IL18RAP: variants seen among roughly 807,000 people sequenced by gnomAD.
IL18RAP encodes the protein interleukin 18 receptor accessory protein.
A neutral mutation model predicts 58.1 loss-of-function variants in IL18RAP; 37 were observed. That is an observed-to-expected ratio of 0.64 (90% CI 0.49 to 0.84). The LOEUF is 0.84. IL18RAP is among the 40% of genes least tolerant of loss of function. The pLI is 0.00. For missense variants in IL18RAP, 667 were observed against 704.8 expected (o/e 0.95, Z 0.61); for synonymous variants, 268 against 257.5 (o/e 1.04, Z -0.39).
At chr2:102,432,647 T>G (rs1573276622) in intron 3 of IL18RAP, among the ~76,000 whole-genome samples, 2 of 152,220 alleles carry the variant, frequency 1.3e-5, no homozygotes, top group East Asian at 2.0e-4. Flanking sequence ...TGAGGCTTGA[T>G]TGGGTTGCCA....
At chr2:102,436,270 C>A (rs1304123626) in intron 3 of IL18RAP, among the ~76,000 whole-genome samples, 1 of 152,176 alleles carries the variant, frequency 6.6e-6, no homozygotes, top group East Asian at 1.9e-4. Flanking sequence ...TTATGACACG[C>A]CTCTCCCCTG....
intron 4 of IL18RAP, among the ~76,000 whole-genome samples, chr2:102,437,975 A>G (rs1682860207): frequency 1.3e-5 from 2 of 152,240 alleles, no homozygotes; most frequent in African/African-American, 2.4e-5. Flanking sequence ...CCCCATTAGC[A>G]GTAAATGCCC....
At chr2:102,436,824 T>C (rs1328325245) in intron 3 of IL18RAP, among the ~76,000 whole-genome samples, 6 of 141,586 alleles carry the variant, frequency 4.2e-5, no homozygotes, top group African/African-American at 1.3e-4. Context: ...TGTGTGTATA[T>C]ATATATATGT....
rs369898608 is a variant in IL18RAP, at chr2:102,423,867, G to T, written c.127G>T (p.Val43Phe). The change falls in exon 2 of 10, where the codon GTC (valine) becomes TTC (phenylalanine). Residue 43 changes from valine (V) to phenylalanine (F), a missense_variant. By Grantham distance (50) the Val-to-Phe change is conservative. Coordinates refer to ENST00000687160, the MANE Select transcript of IL18RAP (RefSeq NM_001393487.1). The part of the protein sequence containing the change: ...TYSTRSEEEF[V>F]LFCDLPEPQK... ...TTCTACAAGGAGTGAAGAGGAATTT[G>T]TCTTATTTTGTGATTTACCAGAGCC... 1.4e-5 allele frequency: 22 copies of T among 1,613,932 alleles called. No individual in the cohort carries two copies. Among genetic ancestry groups the T allele is most frequent in the Non-Finnish European group, 1.8e-5 (21 of 1,179,938 alleles).
At chr2:102,422,194 C>T (rs1348688855), upstream of IL18RAP, among the ~76,000 whole-genome samples, 1 of 152,194 alleles carries the variant, frequency 6.6e-6, no homozygotes, top group African/African-American at 2.4e-5. Flanking sequence ...CTTTGGTGGA[C>T]ACTTTTCAGT....
At chr2:102,449,561 G>A (rs146795834) in intron 8 of IL18RAP, among the ~76,000 whole-genome samples, 2 of 152,214 alleles carry the variant, frequency 1.3e-5, no homozygotes, top group African/African-American at 4.8e-5. Flanking sequence ...TTCAAGCACG[G>A]GGATGCAGTG....
rs766579580 is a variant in IL18RAP, at chr2:102,424,458, A to G, written c.579+44A>G. On this transcript the variant is annotated intron_variant, in intron 3 of 9. Transcript: ENST00000687160. The stretch of plus-strand genomic sequence containing the variant: ...AAATTAATATAAGAGCATTGTTTTT[A>G]TGGTATCTTCTTCATGGGCTTTTCA... 8 of 1,534,860 alleles carry G rather than the reference A, an allele frequency of 5.2e-6. No homozygotes were observed. In the South Asian group the frequency reaches 5.8e-5, roughly 11 times the overall value.
intron 1 of IL18RAP, 80 bp downstream of exon 1, chr2:102,423,427 G>A (rs1054159439): frequency 3.5e-6 from 4 of 1,139,892 alleles, no homozygotes; most frequent in South Asian, 1.2e-5. Flanking sequence ...TATATCAGCA[G>A]TGTGATATAT....
At chr2:102,430,439 A>G (rs955804301) in intron 3 of IL18RAP, among the ~76,000 whole-genome samples, 8 of 151,920 alleles carry the variant, frequency 5.3e-5, no homozygotes, top group Non-Finnish European at 1.2e-4. Context: ...CTTCTAGTCT[A>G]TATGTGTCCT....
At chr2:102,440,732 A>G (rs2104358455) in intron 4 of IL18RAP, among the ~76,000 whole-genome samples, 1 of 152,312 alleles carries the variant, frequency 6.6e-6, no homozygotes, top group South Asian at 2.1e-4. Context: ...TGTCAACAGC[A>G]AAGACCCTGG....
intron 6 of IL18RAP, 71 bp from the exon 7 acceptor site, chr2:102,445,118 G>T: frequency 7.1e-7 from 1 of 1,407,556 alleles, no homozygotes; most frequent in East Asian, 2.3e-5. Context: ...CTGCTTATAC[G>T]TGTTCCAAAT....
upstream of IL18RAP, among the ~76,000 whole-genome samples, chr2:102,420,454 G>A (rs1681504336): frequency 6.6e-6 from 1 of 152,188 alleles, no homozygotes; most frequent in Non-Finnish European, 1.5e-5. Flanking sequence ...GCTGCAGCCT[G>A]CAATCAGCCC....
At chr2:102,447,271 A>G (rs1040648882) in intron 8 of IL18RAP, 64 bp downstream of exon 8, 2 of 1,550,130 alleles carry the variant, frequency 1.3e-6, no homozygotes, top group Admixed American at 3.6e-5. Context: ...GAGCAGGACA[A>G]CAGAAAATAC....
At chr2:102,440,053 AGAAGAGAAACAAAC>A (rs1389861093) in intron 4 of IL18RAP, 2 of 152,304 alleles carry the variant, frequency 1.3e-5, no homozygotes, top group Non-Finnish European at 2.9e-5. Context: ...AAGGGTGGTG[AGAAGAGAAACAAAC>A]GAAGTGAAAT....
At position 102,423,287 on chromosome 2, in the gene IL18RAP, T is replaced by C. The variant is rs768478496; in HGVS notation, c.10T>C (p.Leu4=). 6.2e-6 allele frequency: 10 copies of C among 1,614,038 alleles called. No homozygotes were observed. The Admixed American group carries it at 1.0e-4, about 16-fold the overall frequency. The change falls in exon 1 of 10, where the codon TTG becomes CTG. Residue 4 remains leucine, a synonymous_variant. Coordinates refer to ENST00000687160, the MANE Select transcript of IL18RAP (RefSeq NM_001393487.1). ...GGAACACGGGAGAACAATGCTCTGT[T>C]TGGGCTGGATATTTCTTTGGCTTGT... MLC[L]GWIFLWLVAG...
chr2:102,440,768 C>T (rs1683057624), intron 4 of IL18RAP, among the ~76,000 whole-genome samples: 1 of 152,168 alleles, frequency 6.6e-6, no homozygotes, highest in African/African-American at 2.4e-5. Flanking sequence ...GAAAAAGACA[C>T]ACCTTCAGGA....
rs1681686779 is a variant in IL18RAP, at chr2:102,423,216, A to G, written c.-62A>G. ...ACTCAGGGCAGAGTTCTGAATCTCAAAACACTCTACTCTGGCAAAGGAATG... is the reference window on the plus strand; with the variant it reads ...ACTCAGGGCAGAGTTCTGAATCTCAGAACACTCTACTCTGGCAAAGGAATG... On this transcript the variant is annotated 5_prime_UTR_variant, in exon 1 of 10. Coordinates refer to ENST00000687160, the MANE Select transcript of IL18RAP (RefSeq NM_001393487.1). 6.7e-7 allele frequency: 1 copy of G among 1,491,654 alleles called. No individual in the cohort carries two copies. The highest frequency in any genetic ancestry group is 9.4e-7 in the Non-Finnish European group (1 of 1,069,014). The allele number at this position is 1,491,654 out of a possible 1,614,324, so 92.4% of individuals were successfully genotyped here.
rs558344581 is a variant in IL18RAP, at chr2:102,424,135, A to C, written c.395A>C (p.Lys132Thr). The C allele has an allele frequency of 1.2e-6, 2 of 1,609,958 alleles. No individual in the cohort carries two copies. Among genetic ancestry groups the C allele is most frequent in the Admixed American group, 1.7e-5 (1 of 59,652 alleles). ...GSYICRPKMI[K>T]SPYDVACCVK... The stretch of plus-strand genomic sequence containing the variant: ...TATATTTGTAGACCCAAGATGATTA[A>C]GTATGATCCAAATACATTTCTATCT... Residue 132 changes from lysine (K) to threonine (T), a missense_variant and splice_region_variant, in exon 2 of 10, where the codon AAG becomes ACG. By Grantham distance (78) the Lys-to-Thr change is moderately conservative. Transcript: ENST00000687160.
chr2:102,435,403 G>A (rs930315929), intron 3 of IL18RAP: 1 of 152,200 alleles, frequency 6.6e-6, no homozygotes. Flanking sequence ...TAAAATAGAT[G>A]AGTAGCATAT....
Sources: allele counts gnomAD v4.1 joint callset (sites outside exome capture counted in the v4.1 genomes callset), GRCh38; gene constraint gnomAD v4.1.1; transcripts MANE v1.5; gene names NCBI Gene and HGNC (gene_info 2026-07-23, HGNC 2026-07-21).